The following PYROXD1 variants were observed in gnomAD, a reference collection of about 807,000 sequenced individuals.
PYROXD1 encodes the protein pyridine nucleotide-disulphide oxidoreductase domain 1, also known as tRNA ligase complex-associated NAD(P)H dehydrogenase PYROXD1.
In PYROXD1, 42 loss-of-function variants were observed where a neutral mutation model predicts 62.0. The observed-to-expected ratio is 0.68, with a 90% CI of 0.53 to 0.88. The LOEUF (loss-of-function observed/expected upper bound fraction) is 0.88. PYROXD1 is among the 40% of genes least tolerant of loss of function. The pLI is 0.00. For missense variants in PYROXD1, 493 were observed against 604.8 expected, an observed-to-expected ratio of 0.82 and a Z score of 1.94; for synonymous variants, 170 against 206.4, an observed-to-expected ratio of 0.82 and a Z score of 1.51.
At position 21,469,374 on chromosome 12, in the gene PYROXD1, A is replaced by AT. The variant is rs1004442998; in HGVS notation, c.*633dup. ...CTTAAAACATGAGATTTTTCTTGCA[A>AT]TTTTTTTTTTTTTAAGCTCATCAGC... is the stretch of plus-strand genomic sequence containing the variant. On this transcript the variant is annotated 3_prime_UTR_variant, in exon 12 of 12. Coordinates refer to ENST00000240651, the MANE Select transcript of PYROXD1 (RefSeq NM_024854.5). The AT allele has an allele frequency of 9.6e-4, 140 of 145,478 alleles. No individual in the cohort carries two copies. Among genetic ancestry groups the AT allele is most frequent in the Admixed American group, 9.0e-4 (13 of 14,476 alleles). The allele number at this position is 145,478 out of a possible 1,614,324, so 9.0% of individuals were successfully genotyped here.
intron 1 of PYROXD1, 69 bp downstream of exon 1, chr12:21,437,883 T>A: frequency 1.5e-6 from 2 of 1,318,584 alleles, no homozygotes; most frequent in Non-Finnish European, 1.0e-6. Context: ...GAGGCCTTCC[T>A]CCCACCCCCT....
intron 4 of PYROXD1, among the ~76,000 whole-genome samples, chr12:21,449,982 C>G (rs1020981720): frequency 6.6e-6 from 1 of 151,710 alleles, no homozygotes; most frequent in African/African-American, 2.4e-5. Context: ...CTCAGCCTCC[C>G]GAGAAGCTGG....
In PYROXD1 at chr12:21,449,753, A is replaced by T. The variant is rs1272447854; in HGVS notation, c.414+62A>T. ...AAAGAATTTTCTACATTTGAATTAAAGTGTTCCACTTACAATTCCTAAACT... is the reference window on the plus strand; with the variant it reads ...AAAGAATTTTCTACATTTGAATTAATGTGTTCCACTTACAATTCCTAAACT... On this transcript the variant is annotated intron_variant, in intron 4 of 11. Transcript: ENST00000240651. 24 of 1,453,098 alleles carry T rather than the reference A, an allele frequency of 1.7e-5. No homozygotes were observed. In the Admixed American group the frequency reaches 3.7e-4, roughly 22 times the overall value. 90.0% of individuals were successfully genotyped at this position (1,453,098 alleles called of 1,614,324 possible). A position where few individuals can be genotyped will look rare whatever the true frequency, so the allele number is the denominator to read the frequency against.
rs187748783 is a variant in PYROXD1, at chr12:21,468,959, C to G, written c.*205C>G. On this transcript the variant is annotated 3_prime_UTR_variant, in exon 12 of 12. Transcript: ENST00000240651. ...TATTTATAGATATATCTTTCCAATA[C>G]AACACTGACCGCTTAGATAAAAATC... 5.6e-5 allele frequency: 25 copies of G among 450,278 alleles called. No individual in the cohort carries two copies. Among genetic ancestry groups the G allele is most frequent in the African/African-American group, 4.8e-4 (24 of 50,510 alleles). The allele number at this position is 450,278 out of a possible 1,614,324, so 27.9% of individuals were successfully genotyped here.
Position 21,468,931 on chromosome 12 carries a change from G to C in PYROXD1, c.*177G>C. The C allele has an allele frequency of 6.7e-6, 4 of 595,940 alleles. No individual in the cohort carries two copies. Among genetic ancestry groups the C allele is most frequent in the Non-Finnish European group, 1.1e-5 (4 of 358,110 alleles). The allele number at this position is 595,940 out of a possible 1,614,324, so 36.9% of individuals were successfully genotyped here. A position where few individuals can be genotyped will look rare whatever the true frequency, so the allele number is the denominator to read the frequency against. The stretch of plus-strand genomic sequence containing the variant: ...ATTCTAAGTTTGAAATCAGTTCAAA[G>C]TTTATTTATAGATATATCTTTCCAA... On this transcript the variant is annotated 3_prime_UTR_variant, in exon 12 of 12. Transcript: ENST00000240651.
chr12:21,450,697 T>C (rs1240929294), intron 4 of PYROXD1, among the ~76,000 whole-genome samples: 2 of 152,308 alleles, frequency 1.3e-5, no homozygotes, highest in East Asian at 3.9e-4. Flanking sequence ...TTTAATAATG[T>C]TTTCTTTCAG....
Position 21,468,964 on chromosome 12 carries a change from C to T in PYROXD1, c.*210C>T, listed in dbSNP as rs574792129. The T allele has an allele frequency of 2.5e-5, 11 of 441,500 alleles. No individual in the cohort carries two copies. Among genetic ancestry groups the T allele is most frequent in the Non-Finnish European group, 4.0e-5 (10 of 250,332 alleles). The allele number at this position is 441,500 out of a possible 1,614,324, so 27.3% of individuals were successfully genotyped here. A position where few individuals can be genotyped will look rare whatever the true frequency, so the allele number is the denominator to read the frequency against. On this transcript the variant is annotated 3_prime_UTR_variant, in exon 12 of 12. Coordinates refer to ENST00000240651, the MANE Select transcript of PYROXD1 (RefSeq NM_024854.5). Reference sequence around the variant, plus strand: ...ATAGATATATCTTTCCAATACAACACTGACCGCTTAGATAAAAATCTTAAG... The same window carrying T: ...ATAGATATATCTTTCCAATACAACATTGACCGCTTAGATAAAAATCTTAAG...
intron 2 of PYROXD1, among the ~76,000 whole-genome samples, chr12:21,442,749 G>A (rs1238464918): frequency 6.6e-6 from 1 of 152,166 alleles, no homozygotes; most frequent in Non-Finnish European, 1.5e-5. Context: ...ATGGTTGTTG[G>A]TCCCCTCACA....
At chr12:21,465,861 A>T (rs1204506889) in intron 10 of PYROXD1, among the ~76,000 whole-genome samples, 19 of 152,212 alleles carry the variant, frequency 1.2e-4, no homozygotes, top group Admixed American at 3.3e-4. Flanking sequence ...TAAGGAAGGG[A>T]TCCCGTTTCA....
chr12:21,450,396 A>G (rs1389501200), intron 4 of PYROXD1, among the ~76,000 whole-genome samples: 1 of 152,182 alleles, frequency 6.6e-6, no homozygotes, highest in African/African-American at 2.4e-5. Flanking sequence ...CTTATTCTCC[A>G]GCAAAAAAAA....
rs1322343195 is a variant in PYROXD1, at chr12:21,449,671, C to T, written c.394C>T (p.Arg132Cys). ...CEGNPYVLGI[R>C]DTDSAQEFQK... is the part of the protein sequence containing the mutation. ...AGGAAATCCTTATGTATTAGGAATC[C>T]GTGATACAGACAGTGCTCAGGTAAC... The change falls in exon 4 of 12, where the codon CGT (arginine) becomes TGT (cysteine). Residue 132 changes from arginine to cysteine, a missense_variant. By Grantham distance (180) the Arg-to-Cys change is radical (BLOSUM62 -3). Around this residue, in one of 2 missense-constraint regions of PYROXD1, gnomAD observed 329 missense variants for 446.6 expected, o/e 0.74. Transcript: ENST00000240651. 5 of 1,612,044 alleles carry T rather than the reference C, an allele frequency of 3.1e-6. No homozygotes were observed. Among genetic ancestry groups the T allele is most frequent in the Non-Finnish European group, 4.2e-6 (5 of 1,179,074 alleles).
At chr12:21,450,741 A>G (rs979903064) in intron 4 of PYROXD1, among the ~76,000 whole-genome samples, 2 of 152,198 alleles carry the variant, frequency 1.3e-5, no homozygotes, top group African/African-American at 4.8e-5. Context: ...TTGAGAGAAA[A>G]TTAAAGGAAC....
Position 21,456,082 on chromosome 12 carries a change from A to G in PYROXD1, c.737A>G (p.Lys246Arg). The G allele has an allele frequency of 6.3e-7, 1 of 1,595,758 alleles. No homozygotes were observed. Among genetic ancestry groups the G allele is most frequent in the Non-Finnish European group, 8.6e-7 (1 of 1,165,794 alleles). The change falls in exon 7 of 12, where the codon AAA becomes AGA. Residue 246 changes from lysine (K) to arginine (R), a missense_variant. This residue lies in a region of PYROXD1 where 329 missense variants were observed against 446.6 expected (regional missense o/e 0.74). Coordinates refer to ENST00000240651, the MANE Select transcript of PYROXD1 (RefSeq NM_024854.5). ...GPDWHEGLNL[K>R]GTKEFSHKIH... ...GATTGGCATGAAGGCTTGAATCTTA[A>G]AGGAACAAAAGAGGTATCTTTTCAT... is the stretch of plus-strand genomic sequence containing the variant.
At chr12:21,460,403 T>C (rs1010308808) in intron 7 of PYROXD1, among the ~76,000 whole-genome samples, 1 of 148,498 alleles carries the variant, frequency 6.7e-6, no homozygotes, top group African/African-American at 2.5e-5. Flanking sequence ...AATTTTTATT[T>C]ATTTATTTAT....
intron 5 of PYROXD1, among the ~76,000 whole-genome samples, chr12:21,452,927 T>A (rs1280528149): frequency 1.3e-5 from 2 of 152,096 alleles, no homozygotes; most frequent in African/African-American, 4.8e-5. Flanking sequence ...TTTTTGCCCC[T>A]CTTTTAGCGG....
chr12:21,451,160 A>G (rs1004611360), intron 4 of PYROXD1, among the ~76,000 whole-genome samples: 1 of 152,082 alleles, frequency 6.6e-6, no homozygotes, highest in Non-Finnish European at 1.5e-5. Context: ...GCCAGATGTC[A>G]TTCTGAAGCA....
intron 1 of PYROXD1, chr12:21,438,217 T>G (rs892479493): frequency 6.2e-6 from 1 of 161,192 alleles, no homozygotes; most frequent in African/African-American, 2.4e-5. Flanking sequence ...CTTGGCTTAA[T>G]GCAAGCTTTG....
rs748003931 is a variant in PYROXD1, at chr12:21,461,053, T to C, written c.779T>C (p.Met260Thr). The C allele has an allele frequency of 2.6e-6, 4 of 1,558,822 alleles. No individual in the cohort carries two copies. The highest frequency in any genetic ancestry group is 1.8e-5 in the Admixed American group (1 of 54,218). The change falls in exon 8 of 12, where the codon ATG (methionine) becomes ACG (threonine). Residue 260 changes from methionine (M) to threonine (T), a missense_variant. Met to Thr is a moderately conservative substitution (Grantham distance 81). Transcript: ENST00000240651. ...EFSHKIHLETMCEVKKIYLQD... is the reference protein window; with the variant it reads ...EFSHKIHLETTCEVKKIYLQD... ...TCTCATAAGATTCACCTTGAAACTA[T>C]GTGTGAAGTAAAGAAAATCTACCTT... is the stretch of plus-strand genomic sequence containing the variant.
intron 7 of PYROXD1, among the ~76,000 whole-genome samples, chr12:21,460,256 C>T (rs1267220967): frequency 1.3e-5 from 2 of 152,054 alleles, no homozygotes; most frequent in East Asian, 3.9e-4. Context: ...AACCTGAGAA[C>T]TTCAACAGTT....
Sources: gnomAD v4.1 joint callset for allele counts (sites outside exome capture counted in the v4.1 genomes callset) on GRCh38, gnomAD v4.1.1 for gene constraint, gnomAD v4.1.1 regional missense constraint, MANE v1.5 for transcripts, NCBI Gene and HGNC (gene_info 2026-07-23, HGNC 2026-07-21) for gene names.